The following SCFD2 variants were observed in gnomAD, a reference collection of about 807,000 sequenced individuals.
The protein encoded by SCFD2 is sec1 family domain containing 2, also known as sec1 family domain-containing protein 2.
In SCFD2, 54 loss-of-function variants were observed where a neutral mutation model predicts 58.9. That is an observed-to-expected ratio of 0.92 (90% CI 0.74 to 1.15). The LOEUF (loss-of-function observed/expected upper bound fraction) is 1.15, where lower values mean the gene tolerates loss of function less well. Among genes scored for constraint, SCFD2 ranks in the 50% most tolerant of loss-of-function variants. SCFD2 has a pLI of 0.00. For synonymous variants in SCFD2, 321 were observed against 335.9 expected (o/e 0.96, Z 0.49); for missense variants, 805 against 836.6 (o/e 0.96, Z 0.47).
At chr4:53,268,478 G>A (rs181247545) in intron 4 of SCFD2, among the ~76,000 whole-genome samples, 3 of 152,300 alleles carry the variant, frequency 2.0e-5, no homozygotes, top group Non-Finnish European at 4.4e-5. Context: ...TGGAGGTTGA[G>A]TGACAACAAC....
chr4:53,131,334 G>A (rs1725781294), intron 5 of SCFD2, among the ~76,000 whole-genome samples: 1 of 152,172 alleles, frequency 6.6e-6, no homozygotes, highest in Non-Finnish European at 1.5e-5. Context: ...AGAAGGCCAT[G>A]GGCCAATGGG....
At chr4:53,289,364 C>T (rs551674119) in intron 3 of SCFD2, among the ~76,000 whole-genome samples, 26 of 152,172 alleles carry the variant, frequency 1.7e-4, no homozygotes, top group African/African-American at 6.0e-4. Context: ...GAAACTCAGT[C>T]TCAAAAACAA....
chr4:53,097,017 A>G (rs1724670322), intron 5 of SCFD2, among the ~76,000 whole-genome samples: 1 of 152,116 alleles, frequency 6.6e-6, no homozygotes, highest in Admixed American at 6.6e-5. Flanking sequence ...CAAAGATCAG[A>G]TGGTTGTAGA....
chr4:53,132,548 C>T (rs570773158), intron 5 of SCFD2, among the ~76,000 whole-genome samples: 1 of 152,306 alleles, frequency 6.6e-6, no homozygotes, highest in South Asian at 2.1e-4. Context: ...CTAATGCTGG[C>T]ATGGCACAAT....
intron 5 of SCFD2, among the ~76,000 whole-genome samples, chr4:53,043,231 G>C (rs1722942896): frequency 6.6e-6 from 1 of 152,194 alleles, no homozygotes; most frequent in Non-Finnish European, 1.5e-5. Context: ...GAAAGGCACT[G>C]TGGGGAATCT....
At chr4:53,353,693 A>G (rs1734311043) in intron 1 of SCFD2, among the ~76,000 whole-genome samples, 1 of 152,082 alleles carries the variant, frequency 6.6e-6, no homozygotes, top group African/African-American at 2.4e-5. Flanking sequence ...TTAGCTAGAC[A>G]CGAAAGTTTT....
At chr4:53,301,139 C>CA (rs908088392) in intron 3 of SCFD2, among the ~76,000 whole-genome samples, 3 of 151,908 alleles carry the variant, frequency 2.0e-5, no homozygotes, top group Non-Finnish European at 2.9e-5. Context: ...AAAAACCCTT[C>CA]AAAAAATCAA....
chr4:53,080,306 A>T (rs1468495469), intron 5 of SCFD2, among the ~76,000 whole-genome samples: 1 of 152,200 alleles, frequency 6.6e-6, no homozygotes, highest in Non-Finnish European at 1.5e-5. Context: ...TCCACTCAGG[A>T]ATCTAAGACT....
intron 5 of SCFD2, among the ~76,000 whole-genome samples, chr4:53,055,533 C>A (rs1436209494): frequency 6.6e-6 from 1 of 152,052 alleles, no homozygotes; most frequent in Non-Finnish European, 1.5e-5. Flanking sequence ...GTGGTGATTT[C>A]CTGTAAGGTA....
chr4:53,359,997 A>C (rs1734506495), intron 1 of SCFD2, among the ~76,000 whole-genome samples: 1 of 152,210 alleles, frequency 6.6e-6, no homozygotes, highest in Non-Finnish European at 1.5e-5. Flanking sequence ...GGCCAGCTGC[A>C]TCCACACTAG....
intron 5 of SCFD2, among the ~76,000 whole-genome samples, chr4:53,097,760 G>A (rs1307017138): frequency 6.6e-6 from 1 of 152,202 alleles, no homozygotes; most frequent in Non-Finnish European, 1.5e-5. Context: ...ATGTTGAATA[G>A]GAGTGGTGAG....
At chr4:53,010,484 C>G (rs1722070520) in intron 5 of SCFD2, among the ~76,000 whole-genome samples, 1 of 152,186 alleles carries the variant, frequency 6.6e-6, no homozygotes, top group South Asian at 2.1e-4. Flanking sequence ...TCAAGGCTGA[C>G]TTGGGAATCC....
chr4:53,299,855 T>G (rs1026150723), intron 3 of SCFD2, among the ~76,000 whole-genome samples: 10 of 152,156 alleles, frequency 6.6e-5, no homozygotes, highest in African/African-American at 1.9e-4. Flanking sequence ...CTAAGCTTCA[T>G]AAGTGAACGA....
At chr4:53,012,063 C>T (rs1168750961) in intron 5 of SCFD2, among the ~76,000 whole-genome samples, 2 of 150,480 alleles carry the variant, frequency 1.3e-5, no homozygotes, top group South Asian at 2.1e-4. Context: ...AGGACTCCAT[C>T]CCCCTACTCC....
Position 53,104,772 on chromosome 4 carries a change from T to C in SCFD2, c.1561+40561A>G, listed in dbSNP as rs138763161. ...GCTTGTGCTAATCATTACTGCAGAA[T>C]ATCATCACAAAACACAGATGACCTG... On this transcript the variant is annotated intron_variant, in intron 5 of 8. Coordinates refer to ENST00000401642, the MANE Select transcript of SCFD2 (RefSeq NM_152540.4). 1.2e-4 allele frequency among the ~76,000 whole-genome samples: 18 copies of C among 152,310 alleles called. No individual in the cohort carries two copies. The East Asian group carries it at 3.3e-3, about 28-fold the overall frequency.
chr4:53,251,418 G>A (rs2149039749), intron 4 of SCFD2, among the ~76,000 whole-genome samples: 1 of 152,300 alleles, frequency 6.6e-6, no homozygotes, highest in African/African-American at 2.4e-5. Context: ...AAGCCTGGCA[G>A]AGACACAACA....
intron 2 of SCFD2, among the ~76,000 whole-genome samples, chr4:53,322,073 C>A (rs1560446104): frequency 6.6e-6 from 1 of 152,248 alleles, no homozygotes; most frequent in East Asian, 1.9e-4. Flanking sequence ...GCGTTTGAAC[C>A]AGAGCAACTC....
chr4:53,258,804 C>T (rs557939873), intron 4 of SCFD2, among the ~76,000 whole-genome samples: 1 of 152,060 alleles, frequency 6.6e-6, no homozygotes, highest in Admixed American at 6.5e-5. Context: ...AATCTCCACA[C>T]TGTTTTTTAT....
chr4:53,145,266 T>G, intron 5 of SCFD2, 67 bp downstream of exon 5: 1 of 1,555,396 alleles, frequency 6.4e-7, no homozygotes, highest in Non-Finnish European at 8.8e-7. Flanking sequence ...CCCAAAACAG[T>G]ATTTATTTTG....
Sources: allele counts gnomAD v4.1 joint callset (sites outside exome capture counted in the v4.1 genomes callset), GRCh38; gene constraint gnomAD v4.1.1; transcripts MANE v1.5; gene names NCBI Gene and HGNC (gene_info 2026-07-23, HGNC 2026-07-21).